Variants in HIBCH observed in about 807,000 individuals in gnomAD.
HIBCH encodes 3-hydroxyisobutyryl-CoA hydrolase, mitochondrial.
Under a neutral mutation model 58.2 loss-of-function variants are expected in HIBCH, and 50 were observed. The ratio of observed to expected loss-of-function variants is 0.86; its 90% CI spans 0.68 to 1.09. The LOEUF is 1.09. Ranked by LOEUF, HIBCH falls within the 50% of genes least tolerant of loss-of-function variation. The probability of loss-of-function intolerance (pLI) is 0.00; values close to 1 mark genes in which losing one functional copy is unlikely to be tolerated. For missense variants in HIBCH, 450 were observed against 449.7 expected (o/e 1.00, Z -0.01); for synonymous variants, 151 against 146.9 (o/e 1.03, Z -0.20).
In HIBCH at chr2:190,209,315, C is replaced by T. The variant is rs747945674; in HGVS notation, c.1012-402G>A. ...TCCTGGCACCAACTAAACCCTATCA[C>T]GTACCCCTGCCTGCACTTCAGCAGC... On this transcript the variant is annotated intron_variant, in intron 12 of 13. Transcript: ENST00000359678. The surrounding 1 kb of genome is among the most constrained non-coding windows in gnomAD (Gnocchi z 5.6). Among the ~76,000 whole-genome samples, 8 of 152,248 alleles carry T rather than the reference C, an allele frequency of 5.3e-5. No individual in the cohort carries two copies. Among genetic ancestry groups the T allele is most frequent in the Non-Finnish European group, 7.4e-5 (5 of 68,020 alleles).
Position 190,243,477 on chromosome 2 carries a change from G to A in HIBCH, c.891+1410C>T, listed in dbSNP as rs965121833. Reference sequence around the variant, plus strand: ...AACCCTGATACACCAACTTAAAGTCGGATTCCTTGAATTATAAAATGACTA... The same window carrying A: ...AACCCTGATACACCAACTTAAAGTCAGATTCCTTGAATTATAAAATGACTA... On this transcript the variant is annotated intron_variant, in intron 11 of 13. Coordinates refer to ENST00000359678, the MANE Select transcript of HIBCH (RefSeq NM_014362.4). This position sits in a 1 kb window ranked among gnomAD's most constrained non-coding sequence, Gnocchi z 4.1. Among the ~76,000 whole-genome samples the A allele has an allele frequency of 6.6e-6, 1 of 152,014 alleles. No individual in the cohort carries two copies. The highest frequency in any genetic ancestry group is 1.5e-5 in the Non-Finnish European group (1 of 67,994).
At chr2:190,240,187 G>C (rs1410885886) in intron 11 of HIBCH, among the ~76,000 whole-genome samples, 2 of 152,082 alleles carry the variant, frequency 1.3e-5, no homozygotes, top group Non-Finnish European at 2.9e-5. Context: ...AATTGTTATT[G>C]GTCTATTTAG....
chr2:190,245,016 G>T, intron 10 of HIBCH, 48 bp from the exon 11 acceptor site: 1 of 1,142,642 alleles, frequency 8.8e-7, no homozygotes, highest in Non-Finnish European at 1.3e-6. Flanking sequence ...GTGATTTCCT[G>T]TTTCTAACAT....
intron 6 of HIBCH, among the ~76,000 whole-genome samples, chr2:190,280,459 T>C (rs1312219085): frequency 6.6e-6 from 1 of 152,176 alleles, no homozygotes; most frequent in African/African-American, 2.4e-5. Flanking sequence ...TGGTCGCAGC[T>C]GGCAGCAGGG....
chr2:190,195,351 T>G (rs896030825), intron 1 of HIBCH, among the ~76,000 whole-genome samples: 2 of 148,552 alleles, frequency 1.3e-5, no homozygotes, highest in Non-Finnish European at 3.0e-5. Context: ...GAAGCAGAAC[T>G]GCTGGATCAT....
chr2:190,233,046 G>T (rs1466249748), intron 11 of HIBCH, among the ~76,000 whole-genome samples: 1 of 152,112 alleles, frequency 6.6e-6, no homozygotes, highest in African/African-American at 2.4e-5. Flanking sequence ...GCCAAACTCA[G>T]GAGTGATCTT....
chr2:190,193,452 CTT>C lies in HIBCH; in HGVS notation c.*18-3457_*18-3456del, dbSNP rs1689813002. On this transcript the variant is annotated intron_variant, in intron 1 of 1. Coordinates refer to the HIBCH transcript ENST00000399855. ...GGAAATCTTTCTTTCCTCTTTCTCT[CTT>C]TTCTGAAGAGTTTAGATAAGACTGG... Among the ~76,000 whole-genome samples the C allele has an allele frequency of 2.0e-5, 3 of 152,114 alleles. No homozygotes were observed. The South Asian group carries it at 6.2e-4, about 31-fold the overall frequency.
intron 1 of HIBCH, among the ~76,000 whole-genome samples, chr2:190,196,731 T>C (rs1281318062): frequency 6.6e-6 from 1 of 152,192 alleles, no homozygotes; most frequent in Non-Finnish European, 1.5e-5. Context: ...AGGCTGGCTA[T>C]TTTTGTAAAT....
intron 9 of HIBCH, among the ~76,000 whole-genome samples, chr2:190,248,342 T>C (rs1047813815): frequency 1.3e-5 from 2 of 152,194 alleles, no homozygotes; most frequent in African/African-American, 4.8e-5. Context: ...GGGTTTTTTT[T>C]TCTTCCAATG....
intron 11 of HIBCH, chr2:190,213,383 A>G: frequency 2.8e-6 from 1 of 354,184 alleles, no homozygotes; most frequent in Non-Finnish European, 5.3e-6. Context: ...TAAAATCAAT[A>G]CACACCTTAC....
chr2:190,212,447 T>TA (rs1690534938), intron 12 of HIBCH, among the ~76,000 whole-genome samples: 1 of 152,212 alleles, frequency 6.6e-6, no homozygotes, highest in Admixed American at 6.5e-5. Context: ...TAAATATAAA[T>TA]ATGAGATGTT....
At chr2:190,241,393 C>T (rs1465375038) in intron 11 of HIBCH, among the ~76,000 whole-genome samples, 14 of 152,160 alleles carry the variant, frequency 9.2e-5, no homozygotes, top group Admixed American at 9.2e-4. Flanking sequence ...GAATCCAGCA[C>T]ACCAATGGGT....
chr2:190,258,627 G>A (rs955263419), intron 7 of HIBCH, among the ~76,000 whole-genome samples: 5 of 152,204 alleles, frequency 3.3e-5, no homozygotes, highest in East Asian at 1.9e-4. Flanking sequence ...GTGTATATAC[G>A]ACAACAATCG....
rs1239018553 is a variant in HIBCH at position 190,254,911 on chromosome 2, T to C, written c.518-2604A>G. On this transcript the variant is annotated intron_variant, in intron 7 of 13. Coordinates refer to ENST00000359678, the MANE Select transcript of HIBCH (RefSeq NM_014362.4). The surrounding 1 kb of genome is among the most constrained non-coding windows in gnomAD (Gnocchi z 5.0). Reference sequence around the variant, plus strand: ...ATATGTAGCTATTAAACACCTGAAATGTAGCTGGTGTGACTGAGGAACTGA... The same window carrying C: ...ATATGTAGCTATTAAACACCTGAAACGTAGCTGGTGTGACTGAGGAACTGA... Among the ~76,000 whole-genome samples, 1 of 152,320 alleles carries C rather than the reference T, an allele frequency of 6.6e-6. No individual in the cohort carries two copies. Among genetic ancestry groups the C allele is most frequent in the East Asian group, 1.9e-4 (1 of 5,192 alleles).
downstream of HIBCH, chr2:190,199,730 A>C (rs189330399): frequency 7.4e-6 from 11 of 1,491,362 alleles, no homozygotes; most frequent in African/African-American, 8.4e-5. Flanking sequence ...GTGAAAGGGA[A>C]CATTGATTAC....
intron 6 of HIBCH, among the ~76,000 whole-genome samples, chr2:190,265,455 C>CCTT (rs371133079): frequency 1.4e-5 from 2 of 142,020 alleles, no homozygotes; most frequent in African/African-American, 5.1e-5. Context: ...ATCTTTTGCT[C>CCTT]TTTTTTTTTT....
Position 190,214,352 on chromosome 2 carries a change from A to C in HIBCH, c.892-1277T>G, listed in dbSNP as rs1690583486. On this transcript the variant is annotated intron_variant, in intron 11 of 13. Coordinates refer to ENST00000359678, the MANE Select transcript of HIBCH (RefSeq NM_014362.4). This position sits in a 1 kb window ranked among gnomAD's most constrained non-coding sequence, Gnocchi z 5.5. The stretch of plus-strand genomic sequence containing the variant: ...CAGCAAAAACCTGACACAGAGACTA[A>C]GTGAAAATGGGAAACAGGAATTCTA... The C allele has an allele frequency of 1.3e-5, 2 of 152,350 alleles. No individual in the cohort carries two copies. 9.4% of individuals were successfully genotyped at this position (152,350 alleles called of 1,614,324 possible).
Position 190,197,147 on chromosome 2 carries a change from C to G in HIBCH, c.*18-7150G>C, listed in dbSNP as rs1478530537. The stretch of plus-strand genomic sequence containing the variant: ...AAGGCCCCACCTCCAAATACCATCA[C>G]GTTGGGGATTAGGTTTCAATATATG... On this transcript the variant is annotated intron_variant, in intron 1 of 1. Transcript: ENST00000399855. This position sits in a 1 kb window ranked among gnomAD's most constrained non-coding sequence, Gnocchi z 4.0. Among the ~76,000 whole-genome samples, 2 of 152,148 alleles carry G rather than the reference C, an allele frequency of 1.3e-5. No homozygotes were observed. The highest frequency in any genetic ancestry group is 2.9e-5 in the Non-Finnish European group (2 of 68,034).
intron 6 of HIBCH, among the ~76,000 whole-genome samples, chr2:190,271,161 C>G (rs937895699): frequency 1.3e-5 from 2 of 151,980 alleles, no homozygotes; most frequent in Non-Finnish European, 2.9e-5. Flanking sequence ...GCCTAGACAC[C>G]TGAAAGTCAT....
Sources: gnomAD v4.1 joint callset for allele counts (sites outside exome capture counted in the v4.1 genomes callset) on GRCh38, gnomAD v4.1.1 for gene constraint, Gnocchi (gnomAD v3.1) non-coding constraint, MANE v1.5 for transcripts, NCBI Gene and HGNC (gene_info 2026-07-23, HGNC 2026-07-21) for gene names.